Variants in ANKS1B observed in about 807,000 individuals in gnomAD.
ANKS1B encodes the protein ankyrin repeat and sterile alpha motif domain-containing protein 1B.
In ANKS1B, 36 loss-of-function variants were observed where a neutral mutation model predicts 148.3. That is an observed-to-expected ratio of 0.24 (90% CI 0.19 to 0.32). The LOEUF (loss-of-function observed/expected upper bound fraction) is 0.32. Among genes scored for constraint, ANKS1B ranks in the 10% least tolerant of loss-of-function variants. The pLI is 1.00. For missense variants in ANKS1B, 1,157 were observed against 1,542.6 expected (o/e 0.75, Z 4.19); for synonymous variants, 542 against 560.8 (o/e 0.97, Z 0.47).
At chr12:98,855,433 T>C (rs2099562024) in intron 17 of ANKS1B, among the ~76,000 whole-genome samples, 1 of 152,196 alleles carries the variant, frequency 6.6e-6, no homozygotes, top group South Asian at 2.1e-4. Flanking sequence ...CATTTATTGC[T>C]GCCTAATGTG....
intron 20 of ANKS1B, among the ~76,000 whole-genome samples, chr12:98,802,641 G>T (rs149790303): frequency 6.1e-4 from 61 of 100,388 alleles, no homozygotes; most frequent in African/African-American, 2.2e-3. Flanking sequence ...TAGCAGTGGA[G>T]TGCCTGAAGC....
rs12299518 is a variant in ANKS1B, at chr12:99,667,301, A to G, written c.1129-12091T>C. On this transcript the variant is annotated intron_variant, in intron 8 of 26. Transcript: ENST00000683438. The stretch of plus-strand genomic sequence containing the variant: ...GAGGCGGAGGTTGCAGTGAGCCGAG[A>G]TCATGCCACCACACTCCAGTCTGGG... 7.0e-3 allele frequency among the ~76,000 whole-genome samples: 1,059 copies of G among 151,122 alleles called. 13 individuals carry two copies. Among genetic ancestry groups the G allele is most frequent in the African/African-American group, 0.025 (999 of 40,696 alleles).
chr12:99,602,960 C>T (rs2097817528), intron 9 of ANKS1B, among the ~76,000 whole-genome samples: 1 of 152,030 alleles, frequency 6.6e-6, no homozygotes, highest in Admixed American at 6.6e-5. Flanking sequence ...AGTAAAGATA[C>T]TCAAAGTAGA....
At chr12:99,541,448 A>C (rs891588794) in intron 9 of ANKS1B, among the ~76,000 whole-genome samples, 12 of 152,312 alleles carry the variant, frequency 7.9e-5, no homozygotes, top group Middle Eastern at 3.4e-3. Context: ...GTGCCTCAGG[A>C]ATACTTGGCT....
intron 24 of ANKS1B, among the ~76,000 whole-genome samples, chr12:98,775,356 A>T (rs2098660534): frequency 6.6e-6 from 1 of 152,126 alleles, no homozygotes; most frequent in African/African-American, 2.4e-5. Flanking sequence ...GCCTGGGGGA[A>T]AGTTGCAAAG....
At chr12:98,892,185 G>A (rs2099754106) in intron 17 of ANKS1B, among the ~76,000 whole-genome samples, 1 of 152,198 alleles carries the variant, frequency 6.6e-6, no homozygotes, top group South Asian at 2.1e-4. Context: ...TCTACAGAAT[G>A]TGCCAATGCT....
Position 99,732,934 on chromosome 12 carries a change from C to T in ANKS1B, c.1128+39988G>A, listed in dbSNP as rs544652840. On this transcript the variant is annotated intron_variant, in intron 8 of 26. Coordinates refer to ENST00000683438, the MANE Select transcript of ANKS1B (RefSeq NM_001352186.2). Reference sequence around the variant, plus strand: ...CATTTTCATTCAGTTATAAGACCAACATTTATCTTAAGCCAGATTTGTGAA... The same window carrying T: ...CATTTTCATTCAGTTATAAGACCAATATTTATCTTAAGCCAGATTTGTGAA... Among the ~76,000 whole-genome samples the T allele has an allele frequency of 3.4e-4, 51 of 151,974 alleles. 1 individual carries two copies. The highest frequency in any genetic ancestry group is 1.2e-3 in the African/African-American group (51 of 41,456).
intron 10 of ANKS1B, among the ~76,000 whole-genome samples, chr12:99,449,991 G>C (rs1367372991): frequency 6.6e-6 from 1 of 151,950 alleles, no homozygotes; most frequent in African/African-American, 2.4e-5. Flanking sequence ...ATAATTAATG[G>C]AGCCTAAGAA....
intron 17 of ANKS1B, among the ~76,000 whole-genome samples, chr12:98,920,682 G>A (rs1199931225): frequency 1.2e-4 from 18 of 152,152 alleles, no homozygotes; most frequent in Admixed American, 1.2e-3. Context: ...TTTGGGTGGG[G>A]ACACAGCCAA....
chr12:99,187,043 A>G (rs2079964055), intron 14 of ANKS1B, among the ~76,000 whole-genome samples: 1 of 152,002 alleles, frequency 6.6e-6, no homozygotes, highest in Non-Finnish European at 1.5e-5. Context: ...TGAAGCATAC[A>G]CAAGTATCAA....
intron 9 of ANKS1B, among the ~76,000 whole-genome samples, chr12:99,601,167 T>C (rs2097796647): frequency 6.6e-6 from 1 of 152,102 alleles, no homozygotes; most frequent in Non-Finnish European, 1.5e-5. Context: ...TTTAATATCT[T>C]ACTGGGATAC....
chr12:99,018,911 C>A (rs1373569400), intron 17 of ANKS1B, among the ~76,000 whole-genome samples: 3 of 152,090 alleles, frequency 2.0e-5, no homozygotes, highest in African/African-American at 7.2e-5. Context: ...CCACTGCAGT[C>A]CAGCCTGGGT....
chr12:98,961,709 A>C (rs933916563), intron 17 of ANKS1B, among the ~76,000 whole-genome samples: 1 of 152,162 alleles, frequency 6.6e-6, no homozygotes, highest in Non-Finnish European at 1.5e-5. Context: ...GTACAATAAG[A>C]TAGAAATAGA....
In ANKS1B at chr12:98,863,015, C is replaced by T. The variant is rs1451635203; in HGVS notation, c.2779-30879G>A. Among the ~76,000 whole-genome samples, 3 of 152,210 alleles carry T rather than the reference C, an allele frequency of 2.0e-5. No homozygotes were observed. The East Asian group carries it at 5.8e-4, about 29-fold the overall frequency. On this transcript the variant is annotated intron_variant, in intron 17 of 26. Coordinates refer to ENST00000683438, the MANE Select transcript of ANKS1B (RefSeq NM_001352186.2). The stretch of plus-strand genomic sequence containing the variant: ...TACATGTCTCCTGACACATTTACAA[C>T]AGGCACTCTGTGTAAAACCCATTCG...
At position 99,716,364 on chromosome 12, in the gene ANKS1B, A is replaced by C. The variant is rs115202026; in HGVS notation, c.1128+56558T>G. 6.6e-3 allele frequency among the ~76,000 whole-genome samples: 1,000 copies of C among 151,774 alleles called. 14 individuals carry two copies. Among genetic ancestry groups the C allele is most frequent in the African/African-American group, 0.023 (939 of 41,316 alleles). ...CTTTCCCACTTTTCTGGAGGGTAAGAACCTCCGAACCTCTTCCCTCCATGT... is the reference window on the plus strand; with the variant it reads ...CTTTCCCACTTTTCTGGAGGGTAAGCACCTCCGAACCTCTTCCCTCCATGT... On this transcript the variant is annotated intron_variant, in intron 8 of 26. Coordinates refer to ENST00000683438, the MANE Select transcript of ANKS1B (RefSeq NM_001352186.2).
chr12:98,794,891 T>C (rs1392332332), intron 22 of ANKS1B: 3 of 1,589,744 alleles, frequency 1.9e-6, no homozygotes, highest in Admixed American at 3.3e-5. Context: ...CGAGCCCCTC[T>C]TGCAGGCAAA....
At chr12:99,238,490 C>G (rs1167885364) in intron 14 of ANKS1B, among the ~76,000 whole-genome samples, 4 of 152,200 alleles carry the variant, frequency 2.6e-5, no homozygotes, top group African/African-American at 9.6e-5. Flanking sequence ...CATAGCAGAA[C>G]AAAAGGCAGC....
intron 15 of ANKS1B, among the ~76,000 whole-genome samples, chr12:99,088,596 A>C (rs2052804847): frequency 6.6e-6 from 1 of 152,148 alleles, no homozygotes; most frequent in South Asian, 2.1e-4. Flanking sequence ...TGGACTTATA[A>C]AATTTCTTAT....
intron 9 of ANKS1B, among the ~76,000 whole-genome samples, chr12:99,627,929 G>C (rs552343738): frequency 6.6e-6 from 1 of 152,238 alleles, no homozygotes; most frequent in African/African-American, 2.4e-5. Flanking sequence ...ACATTAGGAA[G>C]AAGTACCCAT....
Sources: gnomAD v4.1 joint callset for allele counts (sites outside exome capture counted in the v4.1 genomes callset) on GRCh38, gnomAD v4.1.1 for gene constraint, MANE v1.5 for transcripts, NCBI Gene and HGNC (gene_info 2026-07-23, HGNC 2026-07-21) for gene names.